Variants in PARG observed in about 807,000 individuals in gnomAD.
PARG encodes mitochondrial poly(ADP-ribose) glycohydrolase.
Under a neutral mutation model 113.0 loss-of-function variants are expected in PARG, and 35 were observed. That is an observed-to-expected ratio of 0.31 (90% CI 0.24 to 0.41). PARG has a LOEUF of 0.41. PARG is among the 10% of genes least tolerant of loss of function. The pLI is 1.00. For missense variants in PARG, 797 were observed against 1,169.4 expected (o/e 0.68, Z 4.64); for synonymous variants, 330 against 409.9 (o/e 0.81, Z 2.36).
At chr10:49,828,710 G>T (rs1179636955) in intron 16 of PARG, among the ~76,000 whole-genome samples, 1 of 152,176 alleles carries the variant, frequency 6.6e-6, no homozygotes, top group Non-Finnish European at 1.5e-5. Flanking sequence ...AATTAAAGCA[G>T]TTCAAAACTA....
Position 49,842,007 on chromosome 10 carries a change from G to A in PARG, c.2484C>T (p.His828=), listed in dbSNP as rs781883830. 1.9e-6 allele frequency: 3 copies of A among 1,550,304 alleles called. No homozygotes were observed. Among genetic ancestry groups the A allele is most frequent in the Admixed American group, 2.0e-5 (1 of 50,984 alleles). The change falls in exon 15 of 18, where the codon CAC becomes CAT. Residue 828 remains histidine, a synonymous_variant. Coordinates refer to ENST00000616448, the MANE Select transcript of PARG (RefSeq NM_003631.5). ...CTEIVAIDAL[H]FRRYLDQFVP... is the part of the protein sequence containing the mutation. ...CAAACTGATCGAGGTAGCGTCTGAA[G>A]TGAAGAGCATCGATGGCAACGATCT...
chr10:49,888,251 A>T (rs2132667082), intron 7 of PARG, among the ~76,000 whole-genome samples: 1 of 150,990 alleles, frequency 6.6e-6, no homozygotes, highest in South Asian at 2.1e-4. Flanking sequence ...AAAAAGTCAA[A>T]CATAATTTAC....
At chr10:49,837,131 C>G (rs1001036296) in intron 15 of PARG, among the ~76,000 whole-genome samples, 11 of 152,130 alleles carry the variant, frequency 7.2e-5, no homozygotes, top group African/African-American at 2.4e-4. Flanking sequence ...CTTTAAAAAC[C>G]AACTCTACTT....
intron 4 of PARG, among the ~76,000 whole-genome samples, chr10:49,923,019 C>A (rs1837967952): frequency 6.6e-6 from 1 of 152,240 alleles, no homozygotes; most frequent in African/African-American, 2.4e-5. Flanking sequence ...AACGCCTATA[C>A]TCTGATTCTA....
rs1186526857 is a variant in PARG, at chr10:49,932,367, C to A, written c.1272-84G>T. On this transcript the variant is annotated intron_variant, in intron 3 of 17. Transcript: ENST00000616448. ...TACACAAGCACAAAACTTACCCAGACGTTATTGTTTAAAGTATGCCATACT... is the reference window on the plus strand; with the variant it reads ...TACACAAGCACAAAACTTACCCAGAAGTTATTGTTTAAAGTATGCCATACT... 24 of 815,386 alleles carry A rather than the reference C, an allele frequency of 2.9e-5. No individual in the cohort carries two copies. In the Admixed American group the frequency reaches 4.3e-4, roughly 15 times the overall value. 50.5% of individuals were successfully genotyped at this position (815,386 alleles called of 1,614,324 possible).
intron 13 of PARG, among the ~76,000 whole-genome samples, chr10:49,851,259 G>GA (rs1384023810): frequency 2.7e-5 from 4 of 148,830 alleles, no homozygotes; most frequent in African/African-American, 9.9e-5. Flanking sequence ...TGTTCCCTTG[G>GA]AAAGCAGGTT....
intron 1 of PARG, among the ~76,000 whole-genome samples, chr10:49,938,344 A>G (rs1838846430): frequency 6.6e-6 from 1 of 152,148 alleles, no homozygotes; most frequent in African/African-American, 2.4e-5. Flanking sequence ...GAGATCAGTA[A>G]TTCTCCAACT....
chr10:49,908,651 A>G (rs1383836491), intron 7 of PARG: 25 of 152,208 alleles, frequency 1.6e-4, no homozygotes, highest in Non-Finnish European at 3.2e-4. Context: ...AAGATACTTG[A>G]TATTTTTTAA....
intron 3 of PARG, among the ~76,000 whole-genome samples, chr10:49,932,671 A>C (rs1393666827): frequency 1.3e-5 from 2 of 152,196 alleles, no homozygotes; most frequent in African/African-American, 4.8e-5. Context: ...GTAACGGCAA[A>C]ATATAAGCTT....
chr10:49,851,155 A>C (rs1193927857), intron 13 of PARG, among the ~76,000 whole-genome samples: 1 of 151,970 alleles, frequency 6.6e-6, no homozygotes, highest in East Asian at 1.9e-4. Context: ...AGTAGTAAGA[A>C]ACATGGTTAT....
At chr10:49,888,901 C>T (rs1265882451) in intron 7 of PARG, among the ~76,000 whole-genome samples, 1 of 152,090 alleles carries the variant, frequency 6.6e-6, no homozygotes, top group Non-Finnish European at 1.5e-5. Flanking sequence ...TCTATTTTCT[C>T]ACTGCTGTTC....
intron 15 of PARG, 31 bp downstream of exon 15, chr10:49,841,919 G>A: frequency 1.5e-6 from 2 of 1,355,248 alleles, no homozygotes; most frequent in Non-Finnish European, 2.0e-6. Context: ...GATGACAGCT[G>A]CCAGATGAAC....
chr10:49,849,717 G>A (rs1190891733), intron 13 of PARG, among the ~76,000 whole-genome samples: 3 of 152,182 alleles, frequency 2.0e-5, no homozygotes, highest in Non-Finnish European at 4.4e-5. Flanking sequence ...CAAGGGCAGG[G>A]ATTATAAATT....
At position 49,818,576 on chromosome 10, in the gene PARG, A is replaced by G. The variant is rs1843909525; in HGVS notation, c.*764T>C. ...AAGAAAAAAGTACCAAGAAACAAAA[A>G]AAATCTTCAATTCTCTTGAATCTGT... On this transcript the variant is annotated 3_prime_UTR_variant, in exon 18 of 18. Coordinates refer to ENST00000616448, the MANE Select transcript of PARG (RefSeq NM_003631.5). The G allele has an allele frequency of 6.6e-6, 1 of 152,596 alleles. No homozygotes were observed. Among genetic ancestry groups the G allele is most frequent in the African/African-American group, 2.4e-5 (1 of 41,444 alleles). The allele number at this position is 152,596 out of a possible 1,614,324, so 9.5% of individuals were successfully genotyped here.
At chr10:49,941,479 A>C in intron 1 of PARG, 30 bp downstream of exon 1, 2 of 1,489,122 alleles carry the variant, frequency 1.3e-6, no homozygotes, top group South Asian at 2.4e-5. Flanking sequence ...GGCCGAGGCG[A>C]AGGACAAAGA....
intron 15 of PARG, among the ~76,000 whole-genome samples, chr10:49,839,578 C>A (rs1845124616): frequency 6.6e-6 from 1 of 152,160 alleles, no homozygotes; most frequent in Admixed American, 6.5e-5. Context: ...TCACATATAT[C>A]TTTTAAATTT....
At chr10:49,894,261 T>C (rs1385441938) in intron 7 of PARG, among the ~76,000 whole-genome samples, 1 of 151,606 alleles carries the variant, frequency 6.6e-6, no homozygotes. Flanking sequence ...AGGTTGGCCT[T>C]GAACTCTTGT....
At chr10:49,838,900 C>CTT (rs1845084898) in intron 15 of PARG, among the ~76,000 whole-genome samples, 2 of 152,184 alleles carry the variant, frequency 1.3e-5, no homozygotes, top group African/African-American at 2.4e-5. Context: ...CTTGATTTGA[C>CTT]ACTCAACTTA....
At chr10:49,877,326 G>A (rs1846991993) in intron 9 of PARG, among the ~76,000 whole-genome samples, 1 of 151,172 alleles carries the variant, frequency 6.6e-6, no homozygotes, top group Admixed American at 6.6e-5. Flanking sequence ...TGGTCTTCGG[G>A]GCTGACACTC....
Sources: allele counts gnomAD v4.1 joint callset (sites outside exome capture counted in the v4.1 genomes callset), GRCh38; gene constraint gnomAD v4.1.1; transcripts MANE v1.5; gene names NCBI Gene and HGNC (gene_info 2026-07-23, HGNC 2026-07-21).